The following SHQ1 variants were observed in gnomAD, a reference collection of about 807,000 sequenced individuals.
SHQ1 encodes the protein SHQ1, H/ACA ribonucleoprotein assembly factor.
SHQ1 carries 49 observed loss-of-function variants against 53.8 expected under a neutral mutation model. The ratio of observed to expected loss-of-function variants is 0.91; its 90% confidence interval spans 0.72 to 1.16. SHQ1 has a LOEUF of 1.16. Among genes scored for constraint, SHQ1 ranks in the 50% most tolerant of loss-of-function variants. The pLI is 0.00. For missense variants in SHQ1, 738 were observed against 683.1 expected, an observed-to-expected ratio of 1.08 and a Z score of -0.90; for synonymous variants, 243 against 251.0, an observed-to-expected ratio of 0.97 and a Z score of 0.30.
At chr3:72,727,042 C>G in the SHQ1 span, among the ~76,000 whole-genome samples, 1 of 152,178 alleles carries the variant, frequency 6.6e-6, no homozygotes, top group South Asian at 2.1e-4. Flanking sequence ...TCAGTCAACT[C>G]TTGACATCTC....
At chr3:72,754,664 A>G (rs1705464147) in intron 10 of SHQ1, among the ~76,000 whole-genome samples, 1 of 152,164 alleles carries the variant, frequency 6.6e-6, no homozygotes, top group Admixed American at 6.5e-5. Context: ...TACAGGCATG[A>G]GCCACTGCAC....
the SHQ1 span, among the ~76,000 whole-genome samples, chr3:72,738,923 G>A: frequency 6.6e-6 from 1 of 151,710 alleles, no homozygotes; most frequent in Admixed American, 6.6e-5. Context: ...CCGAGGACCC[G>A]ACGGAGCTAC....
intron 10 of SHQ1, among the ~76,000 whole-genome samples, chr3:72,779,434 C>T (rs938287241): frequency 2.0e-5 from 3 of 152,098 alleles, no homozygotes; most frequent in Non-Finnish European, 4.4e-5. Context: ...AGCCATCTCT[C>T]GTGGCAGTAT....
At chr3:72,847,979 T>G (rs2106993605) in intron 1 of SHQ1, among the ~76,000 whole-genome samples, 1 of 152,168 alleles carries the variant, frequency 6.6e-6, no homozygotes, top group African/African-American at 2.4e-5. Flanking sequence ...CGCAATCCTT[T>G]GATATGGGAT....
intron 10 of SHQ1, among the ~76,000 whole-genome samples, chr3:72,762,233 T>C (rs1157834175): frequency 6.6e-6 from 1 of 152,094 alleles, no homozygotes; most frequent in Non-Finnish European, 1.5e-5. Context: ...AAAGAATGGC[T>C]CTCATAAGGT....
At chr3:72,802,240 G>A (rs918909497) in intron 9 of SHQ1, among the ~76,000 whole-genome samples, 7 of 152,132 alleles carry the variant, frequency 4.6e-5, no homozygotes, top group East Asian at 1.9e-4. Flanking sequence ...CTTCCTCCTC[G>A]GTGCCGTGGC....
chr3:72,805,982 G>A (rs1481094948), intron 9 of SHQ1, among the ~76,000 whole-genome samples: 1 of 152,082 alleles, frequency 6.6e-6, no homozygotes, highest in Non-Finnish European at 1.5e-5. Context: ...GAAGTATTAG[G>A]GGGAAAGAGA....
intron 10 of SHQ1, among the ~76,000 whole-genome samples, chr3:72,785,170 C>T (rs183249393): frequency 2.0e-5 from 3 of 152,354 alleles, no homozygotes; most frequent in Admixed American, 1.3e-4. Flanking sequence ...TTGCAGAAAG[C>T]AGCATCATGC....
chr3:72,818,939 A>C (rs1707395480), intron 6 of SHQ1, among the ~76,000 whole-genome samples: 1 of 152,188 alleles, frequency 6.6e-6, no homozygotes, highest in Admixed American at 6.5e-5. Flanking sequence ...CAATCATGTG[A>C]GATTGGAAGA....
intron 1 of SHQ1, chr3:72,846,381 G>A (rs942831692): frequency 1.5e-5 from 21 of 1,380,838 alleles, no homozygotes; most frequent in Non-Finnish European, 1.9e-5. Context: ...TGCAACCTTC[G>A]CCCCCCAGGT....
At chr3:72,833,538 T>TGG (rs1559696495) in intron 4 of SHQ1, among the ~76,000 whole-genome samples, 1 of 69,010 alleles carries the variant, frequency 1.4e-5, no homozygotes, top group African/African-American at 1.0e-4. Context: ...GATAGACAGA[T>TGG]AGATAGATAG....
intron 10 of SHQ1, among the ~76,000 whole-genome samples, chr3:72,770,026 A>T (rs920622412): frequency 6.6e-6 from 1 of 152,256 alleles, no homozygotes; most frequent in African/African-American, 2.4e-5. Flanking sequence ...TCTATAAAGC[A>T]CTTAGCACAA....
chr3:72,772,425 G>A (rs1466783415), intron 10 of SHQ1: 4 of 385,758 alleles, frequency 1.0e-5, no homozygotes, highest in East Asian at 6.4e-5. Flanking sequence ...AACTTCTGAG[G>A]AGACCAGTTC....
chr3:72,825,397 CA>C (rs2106902699), intron 5 of SHQ1, among the ~76,000 whole-genome samples: 1 of 151,578 alleles, frequency 6.6e-6, no homozygotes, highest in African/African-American at 2.4e-5. Flanking sequence ...CACACACACA[CA>C]CCATTTTTGG....
intron 5 of SHQ1, among the ~76,000 whole-genome samples, chr3:72,831,317 G>A (rs1246843823): frequency 1.3e-5 from 2 of 152,194 alleles, no homozygotes; most frequent in Non-Finnish European, 2.9e-5. Flanking sequence ...TGTCACAGGA[G>A]ATAGAATGTT....
intron 10 of SHQ1, among the ~76,000 whole-genome samples, chr3:72,776,862 A>C (rs981337755): frequency 6.6e-6 from 1 of 152,220 alleles, no homozygotes; most frequent in Non-Finnish European, 1.5e-5. Context: ...ATGACAGACA[A>C]GTAAATCAGT....
chr3:72,783,313 A>C (rs1048278460), intron 10 of SHQ1, among the ~76,000 whole-genome samples: 2 of 152,022 alleles, frequency 1.3e-5, no homozygotes, highest in Non-Finnish European at 2.9e-5. Flanking sequence ...CTCCACCTTA[A>C]GAAAATTAAC....
intron 10 of SHQ1, among the ~76,000 whole-genome samples, chr3:72,775,845 T>C (rs1705948881): frequency 6.6e-6 from 1 of 152,204 alleles, no homozygotes; most frequent in African/African-American, 2.4e-5. Flanking sequence ...CAAAACTATT[T>C]AGAATAAAAA....
At chr3:72,809,049 G>A (rs1707039374) in intron 9 of SHQ1, among the ~76,000 whole-genome samples, 1 of 152,130 alleles carries the variant, frequency 6.6e-6, no homozygotes, top group African/African-American at 2.4e-5. Context: ...GAGGCCCTAA[G>A]AGAGTACAAC....
Sources: gnomAD v4.1 joint callset for allele counts (sites outside exome capture counted in the v4.1 genomes callset) on GRCh38, gnomAD v4.1.1 for gene constraint, MANE v1.5 for transcripts, NCBI Gene and HGNC (gene_info 2026-07-23, HGNC 2026-07-21) for gene names.